Variants in ZMYM3 observed in about 807,000 individuals in gnomAD.
The protein encoded by ZMYM3 is zinc finger MYM-type protein 3.
Under a neutral mutation model 94.2 loss-of-function variants are expected in ZMYM3, and 6 were observed. The observed-to-expected ratio is 0.06, with a 90% CI of 0.03 to 0.13. The LOEUF (loss-of-function observed/expected upper bound fraction) is 0.13. ZMYM3 is among the 10% of genes least tolerant of loss of function. ZMYM3 has a pLI of 1.00. For synonymous variants in ZMYM3, 420 were observed against 426.5 expected (o/e 0.98, Z 0.19); for missense variants, 664 against 1,132.6 (o/e 0.59, Z 5.94).
rs1216892796 is a variant in ZMYM3 at position 71,239,860 on chromosome X, G to GA, written c.*1055dup. 1 of 112,786 alleles carries GA rather than the reference G, an allele frequency of 8.9e-6. No homozygotes were observed. Among genetic ancestry groups the GA allele is most frequent in the Non-Finnish European group, 1.9e-5 (1 of 53,301 alleles). The allele number at this position is 112,786 out of a possible 1,213,427, so 9.3% of individuals were successfully genotyped here. ...AAAGAAGTGGGTACCCCCTTTGCCA[G>GA]AAGCTAATTGTTTTCTGGGACCTCC... On this transcript the variant is annotated 3_prime_UTR_variant, in exon 25 of 25. Transcript: ENST00000314425.
At chrX:71,251,779 G>T (rs899637437) in intron 2 of ZMYM3, 178 bp from the exon 3 acceptor site, 1 of 752,208 alleles carries the variant, frequency 1.3e-6, no homozygotes, top group Non-Finnish European at 1.6e-6. Context: ...TACTAAGGGT[G>T]GGGGGGTGCA....
chrX:71,248,089 G>A (rs1216488877), intron 11 of ZMYM3, 73 bp downstream of exon 11: 13 of 1,174,605 alleles, frequency 1.1e-5, no homozygotes, highest in South Asian at 5.6e-5. Flanking sequence ...CCACTTTCCC[G>A]GCCTCCCTCC....
rs1041396566 is a variant in ZMYM3 at position 71,240,666 on chromosome X, G to A, written c.*250C>T. 6 of 349,127 alleles carry A rather than the reference G, an allele frequency of 1.7e-5. No individual in the cohort carries two copies. 28.8% of individuals were successfully genotyped at this position (349,127 alleles called of 1,213,427 possible). The stretch of plus-strand genomic sequence containing the variant: ...TTTACTCTGAAGCATAAAGAAAACG[G>A]GCAAGCTGGCTTTTGCCCATCACTG... On this transcript the variant is annotated 3_prime_UTR_variant, in exon 25 of 25. Transcript: ENST00000314425.
rs760462158 is a variant in ZMYM3, at chrX:71,247,308, T to C, written c.2314+37A>G. ...GGCTTAGGATTAGGAGAGTCCAGGC[T>C]CCCTCTAACAGAGTGTACCCCCTGC... is the stretch of plus-strand genomic sequence containing the variant. On this transcript the variant is annotated intron_variant, in intron 13 of 24. Transcript: ENST00000314425. 6 of 1,145,860 alleles carry C rather than the reference T, an allele frequency of 5.2e-6. No homozygotes were observed. The South Asian group carries it at 9.8e-5, about 19-fold the overall frequency. 94.4% of individuals were successfully genotyped at this position (1,145,860 alleles called of 1,213,427 possible). A position where few individuals can be genotyped will look rare whatever the true frequency, so the allele number is the denominator to read the frequency against.
chrX:71,243,667 G>T, intron 21 of ZMYM3, 162 bp downstream of exon 21: 1 of 577,130 alleles, frequency 1.7e-6, no homozygotes. Context: ...TGTTGCCCAG[G>T]CTGGTCTCAA....
rs73541923 is a variant in ZMYM3 at position 71,245,648 on chromosome X, C to T, written c.2860+20G>A. 3,521 of 1,202,598 alleles carry T rather than the reference C, an allele frequency of 2.9e-3. 60 individuals carry two copies. The African/African-American group carries it at 0.051, about 18-fold the overall frequency. On this transcript the variant is annotated intron_variant, in intron 17 of 24. Transcript: ENST00000314425. ...GCTGGTAGCACCCTGTCTCCCTCGT[C>T]GCCACCATCTATGGCATACCACAAA...
At chrX:71,253,509 C>A (rs1338689709) in intron 1 of ZMYM3, among the ~76,000 whole-genome samples, 1 of 100,948 alleles carries the variant, frequency 9.9e-6, no homozygotes, top group African/African-American at 3.7e-5. Context: ...ACTGGCCAGG[C>A]AGTCGGTCGT....
At position 71,248,099 on chromosome X, in the gene ZMYM3, C is replaced by G. The variant is rs1432750189; in HGVS notation, c.1975+63G>C. ...ATGGACCACTTTCCCGGCCTCCCTC[C>G]CTTCTCCTCCATTCTCCCTGGCTGG... is the stretch of plus-strand genomic sequence containing the variant. On this transcript the variant is annotated intron_variant, in intron 11 of 24. Coordinates refer to ENST00000314425, the MANE Select transcript of ZMYM3 (RefSeq NM_201599.3). 8.4e-6 allele frequency: 10 copies of G among 1,190,495 alleles called. No homozygotes were observed. The East Asian group carries it at 3.0e-4, about 36-fold the overall frequency.
At chrX:71,246,856 C>A (rs996947435) in intron 13 of ZMYM3, among the ~76,000 whole-genome samples, 164 bp from the exon 14 acceptor site, 1 of 111,678 alleles carries the variant, frequency 9.0e-6, no homozygotes, top group Admixed American at 9.5e-5. Flanking sequence ...TATGCCCCAG[C>A]AATAGCAGCC....
chrX:71,253,242 T>C lies in ZMYM3; in HGVS notation c.14A>G (p.Asp5Gly). ...CAATGGGTCAAATGGACTGGGGAAA[T>C]CACTGGGGTCCATGAGTATGGCTGG... The part of the protein sequence containing the change: MDPS[D>G]FPSPFDPLTL... Residue 5 changes from aspartate (D) to glycine (G), a missense_variant, in exon 2 of 25, where the codon GAT becomes GGT. Around this residue, in one of 9 missense-constraint regions of ZMYM3, gnomAD observed 196 missense variants for 190.8 expected, o/e 1.03. Transcript: ENST00000314425. 8.6e-7 allele frequency: 1 copy of C among 1,164,192 alleles called. No homozygotes were observed. The highest frequency in any genetic ancestry group is 1.1e-6 in the Non-Finnish European group (1 of 871,618).
At position 71,244,282 on chromosome X, in the gene ZMYM3, C is replaced by G. The variant is rs772136595; in HGVS notation, c.3280+20G>C. The G allele has an allele frequency of 1.7e-6, 2 of 1,207,492 alleles. No individual in the cohort carries two copies. The highest frequency in any genetic ancestry group is 2.2e-6 in the Non-Finnish European group (2 of 893,254). ...CTCCCTGTCCCTGCCTCCCCACACC[C>G]CCCATCCCCAAGTACTTACGGCCAA... is the stretch of plus-strand genomic sequence containing the variant. On this transcript the variant is annotated intron_variant, in intron 20 of 24. Transcript: ENST00000314425.
At chrX:71,241,139 G>A (rs1479530465) in intron 24 of ZMYM3, 31 bp from the exon 25 acceptor site, 3 of 1,197,961 alleles carry the variant, frequency 2.5e-6, no homozygotes. Flanking sequence ...GTGGGAGTGG[G>A]GGTGGCAGGA....
At chrX:71,250,244 C>A (rs1462436904) in intron 5 of ZMYM3, 41 bp from the exon 6 acceptor site, 16 of 1,124,643 alleles carry the variant, frequency 1.4e-5, no homozygotes, top group Admixed American at 3.0e-5. Flanking sequence ...TCAAGACCAC[C>A]CTCTCATTTC....
At chrX:71,246,304 G>T (rs1321843125) in intron 15 of ZMYM3, 49 bp downstream of exon 15, 2 of 1,205,310 alleles carry the variant, frequency 1.7e-6, no homozygotes, top group Non-Finnish European at 2.2e-6. Flanking sequence ...GGGCTGGCAG[G>T]CCTAGGACTC....
At chrX:71,246,807 A>G in intron 13 of ZMYM3, 115 bp from the exon 14 acceptor site, 1 of 711,996 alleles carries the variant, frequency 1.4e-6, no homozygotes, top group Non-Finnish European at 2.0e-6. Flanking sequence ...GGGAACTTCT[A>G]GGATTTGACC....
intron 23 of ZMYM3, among the ~76,000 whole-genome samples, chrX:71,241,767 G>A (rs2029957979): frequency 9.0e-6 from 1 of 111,493 alleles, no homozygotes. Context: ...ACTCAGACAG[G>A]ACAGAAGTCC....
chrX:71,252,451 C>T (rs1289695096), intron 2 of ZMYM3, 138 bp downstream of exon 2: 22 of 614,312 alleles, frequency 3.6e-5, no homozygotes, highest in Non-Finnish European at 4.9e-5. Context: ...CCTCGTAAAC[C>T]CCAAGTCCTT....
At position 71,243,049 on chromosome X, in the gene ZMYM3, G is replaced by A; in HGVS notation, c.3468C>T (p.Phe1156=). The A allele has an allele frequency of 2.5e-6, 3 of 1,211,600 alleles. No homozygotes were observed. The highest frequency in any genetic ancestry group is 3.4e-6 in the Non-Finnish European group (3 of 895,406). The change falls in exon 22 of 25, where the codon TTC becomes TTT. Residue 1156 remains phenylalanine (F), a synonymous_variant. Transcript: ENST00000314425. ...LLENNRMVNI[F]TDLYYLTFVQ... ...CAAAAGTCAGGTAGTAAAGGTCCGT[G>A]AAAATGTTCACCATCCGGTTATTTT...
rs2029910492 is a variant in ZMYM3, at chrX:71,240,771, T to A, written c.*145A>T. The A allele has an allele frequency of 1.7e-6, 1 of 584,341 alleles. No individual in the cohort carries two copies. Among genetic ancestry groups the A allele is most frequent in the Middle Eastern group, 5.5e-4 (1 of 1,831 alleles). 48.2% of individuals were successfully genotyped at this position (584,341 alleles called of 1,213,427 possible). A position where few individuals can be genotyped will look rare whatever the true frequency, so the allele number is the denominator to read the frequency against. Reference sequence around the variant, plus strand: ...GGAAGAAGATAAAAGCCAGGGTTCCTAGAGAAGGCAGGGAATGGGTGAGCG... The same window carrying A: ...GGAAGAAGATAAAAGCCAGGGTTCCAAGAGAAGGCAGGGAATGGGTGAGCG... On this transcript the variant is annotated 3_prime_UTR_variant, in exon 25 of 25. Transcript: ENST00000314425.
Sources: allele counts gnomAD v4.1 joint callset (sites outside exome capture counted in the v4.1 genomes callset), GRCh38; gene constraint gnomAD v4.1.1; regional missense constraint gnomAD v4.1.1; transcripts MANE v1.5; gene names NCBI Gene and HGNC (gene_info 2026-07-23, HGNC 2026-07-21).